Variants in GNB5 observed in about 807,000 individuals in gnomAD.
The protein encoded by GNB5 is G protein subunit beta 5.
A neutral mutation model predicts 55.3 loss-of-function variants in GNB5; 37 were observed. The ratio of observed to expected loss-of-function variants is 0.67; its 90% CI spans 0.51 to 0.88. The LOEUF is 0.88. Among genes scored for constraint, GNB5 ranks in the 40% least tolerant of loss-of-function variants. The pLI is 0.00. For missense variants in GNB5, 476 were observed against 515.3 expected (o/e 0.92, Z 0.74); for synonymous variants, 219 against 198.5 (o/e 1.10, Z -0.87).
At chr15:52,143,257 CCT>C (rs1566938178) in intron 6 of GNB5, among the ~76,000 whole-genome samples, 1 of 152,120 alleles carries the variant, frequency 6.6e-6, no homozygotes, top group African/African-American at 2.4e-5. Context: ...CTCCCTGACC[CCT>C]GAGCTGGGAT....
intron 7 of GNB5, 73 bp from the exon 8 acceptor site, chr15:52,135,829 T>A: frequency 6.9e-7 from 1 of 1,452,610 alleles, no homozygotes; most frequent in Non-Finnish European, 9.5e-7. Flanking sequence ...ATCAGAGGCT[T>A]AACGTTCCGC....
chr15:52,169,122 G>C (rs969883775), intron 3 of GNB5, among the ~76,000 whole-genome samples: 3 of 152,196 alleles, frequency 2.0e-5, no homozygotes, highest in African/African-American at 7.2e-5. Context: ...TTAGGAGTTT[G>C]AGACCAGCCT....
chr15:52,185,757 TTATTATTA>T, intron 1 of GNB5, among the ~76,000 whole-genome samples: 2 of 94,448 alleles, frequency 2.1e-5, no homozygotes, highest in Non-Finnish European at 3.8e-5. Flanking sequence ...CATCTTTTTA[TTATTATTA>T]TTATTATTAT....
chr15:52,142,208 T>G (rs2033871592), intron 6 of GNB5, among the ~76,000 whole-genome samples: 1 of 152,194 alleles, frequency 6.6e-6, no homozygotes, highest in Non-Finnish European at 1.5e-5. Context: ...GGTGGACCAC[T>G]AGATATCTCC....
rs1470828860 is a variant in GNB5 at position 52,135,798 on chromosome 15, T to C, written c.628-42A>G. The C allele has an allele frequency of 1.9e-6, 3 of 1,604,842 alleles. No homozygotes were observed. The South Asian group carries it at 3.3e-5, about 18-fold the overall frequency. ...ACAGGAAGTGGGTGGTTGTGGTTATTGCTTATGCCGGGGGCAGTCAATCAG... is the reference window on the plus strand; with the variant it reads ...ACAGGAAGTGGGTGGTTGTGGTTATCGCTTATGCCGGGGGCAGTCAATCAG... On this transcript the variant is annotated intron_variant, in intron 7 of 12. Transcript: ENST00000261837.
Position 52,117,265 on chromosome 15 carries a change from C to G in GNB5, c.*5492G>C, listed in dbSNP as rs971757297. 6 of 151,746 alleles carry G rather than the reference C, an allele frequency of 4.0e-5. No homozygotes were observed. In the East Asian group the frequency reaches 9.7e-4, roughly 25 times the overall value. 9.4% of individuals were successfully genotyped at this position (151,746 alleles called of 1,614,324 possible). A position where few individuals can be genotyped will look rare whatever the true frequency, so the allele number is the denominator to read the frequency against. On this transcript the variant is annotated 3_prime_UTR_variant, in exon 13 of 13. Transcript: ENST00000261837. ...TTCTTTACCTCCTGGAATATGCACACAGTTTACTACAGCACACATATTCCT... is the reference window on the plus strand; with the variant it reads ...TTCTTTACCTCCTGGAATATGCACAGAGTTTACTACAGCACACATATTCCT...
At chr15:52,164,803 T>C (rs573648091) in intron 3 of GNB5, among the ~76,000 whole-genome samples, 105 of 152,048 alleles carry the variant, frequency 6.9e-4, no homozygotes, top group African/African-American at 2.3e-3. Flanking sequence ...AGAGTGCCTC[T>C]TCTCCACGTG....
At chr15:52,164,308 TAAAAAAAAAA>T (rs56029917) in intron 3 of GNB5, among the ~76,000 whole-genome samples, 3,341 of 50,468 alleles carry the variant, frequency 0.066, 235 homozygotes, top group African/African-American at 0.22. Context: ...GACTCTGTCT[TAAAAAAAAAA>T]AAAAAAAAAA....
intron 3 of GNB5, among the ~76,000 whole-genome samples, chr15:52,159,248 G>A (rs1000031073): frequency 6.6e-6 from 1 of 152,120 alleles, no homozygotes; most frequent in African/African-American, 2.4e-5. Context: ...CATCAGAAGA[G>A]TGGCATGGTC....
In GNB5 at chr15:52,124,582, T is replaced by C. The variant is rs2033371080; in HGVS notation, c.1067A>G (p.Lys356Arg). The C allele has an allele frequency of 3.7e-6, 6 of 1,613,964 alleles. No homozygotes were observed. The East Asian group carries it at 6.7e-5, about 18-fold the overall frequency. The change falls in exon 12 of 13, where the codon AAA becomes AGA. Residue 356 changes from lysine to arginine, a missense_variant. Coordinates refer to ENST00000261837, the MANE Select transcript of GNB5 (RefSeq NM_016194.4). ...AAACAGGATGGAGACCCGGGACCCT[T>C]TGAGAACATCCCAGACGTTGATAGT... Reference protein sequence around the residue: ...DYTINVWDVLKGSRVSILFGH... With the variant: ...DYTINVWDVLRGSRVSILFGH...
chr15:52,135,383 A>C (rs1329195872), intron 8 of GNB5, among the ~76,000 whole-genome samples: 2 of 152,196 alleles, frequency 1.3e-5, no homozygotes, highest in Admixed American at 6.5e-5. Context: ...GTGGCAGAAC[A>C]GAAGGAGGCC....
chr15:52,139,814 T>C (rs953521839), intron 7 of GNB5: 12 of 1,254,696 alleles, frequency 9.6e-6, no homozygotes, highest in Non-Finnish European at 1.2e-5. Flanking sequence ...CTTTCTCACC[T>C]ACTGGTGCCC....
chr15:52,154,339 A>T (rs542271929), intron 3 of GNB5, among the ~76,000 whole-genome samples: 1 of 152,350 alleles, frequency 6.6e-6, no homozygotes, highest in African/African-American at 2.4e-5. Context: ...TTATCTATGC[A>T]TGTTGAGGGA....
At chr15:52,179,450 G>C (rs1475038354) in intron 3 of GNB5, among the ~76,000 whole-genome samples, 1 of 151,974 alleles carries the variant, frequency 6.6e-6, no homozygotes, top group Non-Finnish European at 1.5e-5. Context: ...CCTCCGCATG[G>C]GAGGGGCAAG....
intron 3 of GNB5, among the ~76,000 whole-genome samples, chr15:52,171,600 G>A (rs1368748387): frequency 6.6e-6 from 1 of 152,212 alleles, no homozygotes; most frequent in Admixed American, 6.5e-5. Flanking sequence ...GGCTGCAGGA[G>A]GCATGTGGCC....
rs11070883 is a variant in GNB5, at chr15:52,191,368, A to G, written c.-65T>C. 95,389 of 152,228 alleles carry G rather than the reference A, an allele frequency of 0.63. 31,887 individuals are homozygous for G. Among genetic ancestry groups the G allele is most frequent in the Non-Finnish European group, 0.75 (51,224 of 68,032 alleles). The allele number at this position is 152,228 out of a possible 1,614,324, so 9.4% of individuals were successfully genotyped here. ...GCCACAGAGCAGATGGTGAGAGGTG[A>G]GGACCAGCGCGCAGCTTGAGGTGTG... On this transcript the variant is annotated 5_prime_UTR_variant, in exon 1 of 13. Transcript: ENST00000261837.
chr15:52,135,852 A>AACACAAACACAC, intron 7 of GNB5, 96 bp from the exon 8 acceptor site: 1 of 551,022 alleles, frequency 1.8e-6, no homozygotes, highest in Non-Finnish European at 3.0e-6. Context: ...GGAAAAGCAG[A>AACACAAACACAC]ACACACACAC....
Position 52,153,988 on chromosome 15 carries a change from C to T in GNB5, c.327G>A (p.Leu109=), listed in dbSNP as rs778900599. Residue 109 remains leucine (L), a synonymous_variant, in exon 4 of 13, where the codon CTG becomes CTA. Transcript: ENST00000261837. The part of the protein sequence containing the change: ...RTLKGHGNKV[L]CMDWCKDKRR... The stretch of plus-strand genomic sequence containing the variant: ...TCTTATCTTTGCACCAGTCCATGCA[C>T]AGGACTTTGTTCCCGTGGCCTTTGA... 7.4e-6 allele frequency: 12 copies of T among 1,613,900 alleles called. No homozygotes were observed. In the Admixed American group the frequency reaches 1.2e-4, roughly 16 times the overall value.
chr15:52,154,856 C>T (rs1232319132), intron 3 of GNB5, among the ~76,000 whole-genome samples: 1 of 152,248 alleles, frequency 6.6e-6, no homozygotes, highest in Non-Finnish European at 1.5e-5. Flanking sequence ...GCACCACCTA[C>T]ACCAGAAAGG....
Sources: allele counts gnomAD v4.1 joint callset (sites outside exome capture counted in the v4.1 genomes callset), GRCh38; gene constraint gnomAD v4.1.1; transcripts MANE v1.5; gene names NCBI Gene and HGNC (gene_info 2026-07-23, HGNC 2026-07-21).